Variants in DOCK2 observed in about 807,000 individuals in gnomAD.
DOCK2 encodes the protein dedicator of cytokinesis protein 2.
DOCK2 carries 87 observed loss-of-function variants against 248.9 expected under a neutral mutation model. The ratio of observed to expected loss-of-function variants is 0.35; its 90% CI spans 0.29 to 0.42. DOCK2 has a LOEUF of 0.42. DOCK2 is among the 10% of genes least tolerant of loss of function. The pLI is 1.00. For missense variants in DOCK2, 1,747 were observed against 2,300.2 expected (o/e 0.76, Z 4.92); for synonymous variants, 805 against 821.6 (o/e 0.98, Z 0.35).
chr5:169,786,043 A>G (rs183324720), intron 25 of DOCK2, among the ~76,000 whole-genome samples: 2 of 152,324 alleles, frequency 1.3e-5, no homozygotes, highest in East Asian at 3.9e-4. Context: ...TACTTCTATT[A>G]CCACTAATAA....
intron 26 of DOCK2, among the ~76,000 whole-genome samples, chr5:169,810,180 G>A (rs113559993): frequency 0.016 from 2,430 of 152,170 alleles, 72 homozygotes; most frequent in African/African-American, 0.054. Context: ...GGTCTTGTGC[G>A]CTGAGTGCTA....
At chr5:170,068,828 G>C (rs1016642580) in intron 45 of DOCK2, among the ~76,000 whole-genome samples, 10 of 152,228 alleles carry the variant, frequency 6.6e-5, no homozygotes, top group Non-Finnish European at 1.3e-4. Context: ...GATTCAGGCT[G>C]TCTGGGCTGG....
intron 44 of DOCK2, among the ~76,000 whole-genome samples, chr5:170,065,870 A>G (rs984340983): frequency 3.3e-5 from 5 of 152,220 alleles, no homozygotes; most frequent in African/African-American, 1.2e-4. Flanking sequence ...TATGTTGCCT[A>G]CAAGAGACTT....
intron 27 of DOCK2, among the ~76,000 whole-genome samples, chr5:169,893,123 T>G (rs760165998): frequency 1.2e-4 from 19 of 152,222 alleles, no homozygotes; most frequent in Non-Finnish European, 2.5e-4. Context: ...CTTTGGCTAT[T>G]CTATGTCAAG....
At chr5:169,698,198 C>T (rs759921892) in intron 10 of DOCK2, among the ~76,000 whole-genome samples, 176 bp from the exon 11 acceptor site, 8 of 152,170 alleles carry the variant, frequency 5.3e-5, no homozygotes, top group East Asian at 1.9e-4. Flanking sequence ...TGGTGCTGCA[C>T]GCGAGGAACC....
Position 169,859,247 on chromosome 5 carries a change from A to G in DOCK2, c.2799+18395A>G, listed in dbSNP as rs565743627. On this transcript the variant is annotated intron_variant, in intron 27 of 51. Transcript: ENST00000520908. ...ATGGGCTGAGAGTTCTGTAGGAGGC[A>G]GAGAGAAATTAGACATTTGCAAAAC... 3.7e-3 allele frequency among the ~76,000 whole-genome samples: 568 copies of G among 152,296 alleles called. 2 individuals carry two copies. The highest frequency in any genetic ancestry group is 0.015 in the South Asian group (70 of 4,822).
At chr5:169,982,954 A>C (rs1777979889) in intron 27 of DOCK2, 114 bp from the exon 28 acceptor site, 1 of 974,132 alleles carries the variant, frequency 1.0e-6, no homozygotes. Flanking sequence ...GGCACATAAT[A>C]GTACTCAGTA....
At chr5:170,070,818 C>A (rs532113918) in intron 46 of DOCK2, among the ~76,000 whole-genome samples, 1 of 152,336 alleles carries the variant, frequency 6.6e-6, no homozygotes, top group South Asian at 2.1e-4. Flanking sequence ...GAATGAACTG[C>A]AGCTTCACAG....
intron 27 of DOCK2, among the ~76,000 whole-genome samples, chr5:169,857,317 C>T (rs952040468): frequency 6.6e-6 from 1 of 152,158 alleles, no homozygotes; most frequent in Non-Finnish European, 1.5e-5. Flanking sequence ...CTTATGATGA[C>T]AATTTATTCT....
chr5:170,004,787 A>G (rs1754960625), intron 30 of DOCK2, among the ~76,000 whole-genome samples: 1 of 149,238 alleles, frequency 6.7e-6, no homozygotes, highest in African/African-American at 2.5e-5. Context: ...TGAAATTGGA[A>G]ACCATCATTC....
At chr5:169,928,098 T>C (rs949629629) in intron 27 of DOCK2, among the ~76,000 whole-genome samples, 5 of 152,194 alleles carry the variant, frequency 3.3e-5, no homozygotes, top group Admixed American at 2.6e-4. Flanking sequence ...GATAAGATAC[T>C]GTCAACCTGG....
intron 22 of DOCK2, among the ~76,000 whole-genome samples, chr5:169,736,082 C>A (rs1224896060): frequency 6.6e-6 from 1 of 152,088 alleles, no homozygotes; most frequent in Non-Finnish European, 1.5e-5. Flanking sequence ...GGGAATCTGC[C>A]CCCATGATCC....
intron 27 of DOCK2, among the ~76,000 whole-genome samples, chr5:169,915,643 A>T (rs1436649652): frequency 6.6e-6 from 1 of 151,862 alleles, no homozygotes; most frequent in African/African-American, 2.4e-5. Context: ...ACAGACAGAG[A>T]CTGAACAGAT....
At chr5:169,653,590 A>G (rs554212209) in intron 1 of DOCK2, among the ~76,000 whole-genome samples, 112 of 152,228 alleles carry the variant, frequency 7.4e-4, no homozygotes, top group Non-Finnish European at 9.4e-4. Context: ...CATTGTCCCA[A>G]TGGTGCTGTG....
chr5:170,029,207 G>T (rs1483928214), intron 34 of DOCK2, among the ~76,000 whole-genome samples: 1 of 152,152 alleles, frequency 6.6e-6, no homozygotes, highest in African/African-American at 2.4e-5. Context: ...ATGTATAAGG[G>T]TTCCAATTTC....
At chr5:169,749,690 G>A (rs773160839) in intron 23 of DOCK2, among the ~76,000 whole-genome samples, 6 of 152,166 alleles carry the variant, frequency 3.9e-5, no homozygotes, top group Non-Finnish European at 7.3e-5. Flanking sequence ...CACTACCACG[G>A]CATTAGCCTG....
intron 27 of DOCK2, among the ~76,000 whole-genome samples, chr5:169,873,389 A>T (rs1772109323): frequency 6.6e-6 from 1 of 152,220 alleles, no homozygotes; most frequent in African/African-American, 2.4e-5. Flanking sequence ...TGTTTTGGAG[A>T]TGCTCGAGGG....
chr5:169,983,118 G>A lies in DOCK2; in HGVS notation c.2850G>A (p.Gln950=), dbSNP rs776525157. Residue 950 remains glutamine, a synonymous_variant, in exon 28 of 52, where the codon CAG becomes CAA. Transcript: ENST00000520908. ...MTAILNQMGD[Q]HYSFYIETFQ... ...CCATCTTAAACCAGATGGGTGACCA[G>A]CACTACTCCTTCTACATTGAGACCT... 1.2e-6 allele frequency: 2 copies of A among 1,614,074 alleles called. No individual in the cohort carries two copies. Among genetic ancestry groups the A allele is most frequent in the South Asian group, 2.2e-5 (2 of 91,086 alleles).
chr5:169,718,564 C>G, intron 21 of DOCK2, 93 bp from the exon 22 acceptor site: 2 of 1,452,820 alleles, frequency 1.4e-6, no homozygotes, highest in Non-Finnish European at 1.9e-6. Flanking sequence ...CTACTACCAC[C>G]TTTAACCTTT....
Sources: allele counts gnomAD v4.1 joint callset (sites outside exome capture counted in the v4.1 genomes callset), GRCh38; gene constraint gnomAD v4.1.1; transcripts MANE v1.5; gene names NCBI Gene and HGNC (gene_info 2026-07-23, HGNC 2026-07-21).